ABCA2: variants seen among roughly 807,000 people sequenced by gnomAD.
ABCA2 encodes ATP binding cassette subfamily A member 2, also known as ATP-binding cassette sub-family A member 2.
A neutral mutation model predicts 262.8 loss-of-function variants in ABCA2; 84 were observed. That is an observed-to-expected ratio of 0.32 (90% CI 0.27 to 0.38). ABCA2 has a LOEUF of 0.38. Among genes scored for constraint, ABCA2 ranks in the 10% least tolerant of loss-of-function variants. The pLI, the probability that ABCA2 is intolerant of heterozygous loss-of-function variation, is 1.00. For synonymous variants in ABCA2, 1,696 were observed against 1,502.9 expected (o/e 1.13, Z -2.97); for missense variants, 2,662 against 3,405.9 (o/e 0.78, Z 5.44).
chr9:137,023,882 G>A (rs1831563831), intron 2 of ABCA2, 42 bp from the exon 3 acceptor site: 5 of 946,528 alleles, frequency 5.3e-6, no homozygotes, highest in East Asian at 2.4e-5. Flanking sequence ...GGGGAGGGAG[G>A]GGGATCAAAA....
In ABCA2 at chr9:137,013,274, G is replaced by A. The variant is rs1319691871; in HGVS notation, c.4595C>T (p.Thr1532Met). ...PDASPQQLVS[T>M]FRLPSGVGAT... ...ACCCACCCCCGACGGCAGCCGGAAC[G>A]TGCTCACGAGCTGCTGGGGGCTGGC... is the stretch of plus-strand genomic sequence containing the variant. Residue 1532 changes from threonine (T) to methionine (M), a missense_variant, in exon 30 of 49, where the codon ACG becomes ATG. Thr to Met is a moderately conservative substitution (Grantham distance 81). This residue lies in a region of ABCA2 where 192 missense variants were observed against 207.2 expected (regional missense o/e 0.93). Coordinates refer to ENST00000341511, the MANE Select transcript of ABCA2 (RefSeq NM_001606.5). 8 of 1,585,634 alleles carry A rather than the reference G, an allele frequency of 5.0e-6. No homozygotes were observed. The highest frequency in any genetic ancestry group is 6.8e-6 in the Non-Finnish European group (8 of 1,171,640).
chr9:137,014,875 C>T (rs1831199973), intron 25 of ABCA2, 38 bp downstream of exon 25: 2 of 1,577,242 alleles, frequency 1.3e-6, no homozygotes, highest in African/African-American at 1.3e-5. Context: ...CCCACCTCCA[C>T]CACCTGCAAC....
chr9:137,011,847 G>A lies in ABCA2; in HGVS notation c.5532C>T (p.Asp1844=), dbSNP rs770447714. The A allele has an allele frequency of 6.3e-7, 1 of 1,587,722 alleles. No homozygotes were observed. Among genetic ancestry groups the A allele is most frequent in the South Asian group, 1.1e-5 (1 of 87,906 alleles). ...CCCATGGCCACGCCGGGCGCACCATGTCCCACACGTAGTTCGCCAGCCAGT... is the reference window on the plus strand; with the variant it reads ...CCCATGGCCACGCCGGGCGCACCATATCCCACACGTAGTTCGCCAGCCAGT... ...IIYWLANYVW[D]MLNYLVPATC... is the part of the protein sequence containing the mutation. The change falls in exon 35 of 49, where the codon GAC becomes GAT. Residue 1844 remains aspartate (D), a synonymous_variant. Transcript: ENST00000341511. This position sits in a 1 kb window ranked among gnomAD's most constrained non-coding sequence, Gnocchi z 8.8.
intron 24 of ABCA2, 69 bp downstream of exon 24, chr9:137,015,345 G>T: frequency 1.3e-6 from 2 of 1,484,088 alleles, no homozygotes; most frequent in Non-Finnish European, 1.8e-6. Context: ...CCTCTCCATT[G>T]TGGATTCTCA....
chr9:137,007,715 G>A lies in ABCA2; in HGVS notation c.*214C>T, dbSNP rs1480771798. 7.5e-6 allele frequency: 5 copies of A among 664,720 alleles called. No individual in the cohort carries two copies. In the Admixed American group the frequency reaches 1.0e-4, roughly 13 times the overall value. The allele number at this position is 664,720 out of a possible 1,614,324, so 41.2% of individuals were successfully genotyped here. On this transcript the variant is annotated 3_prime_UTR_variant, in exon 49 of 49. Coordinates refer to ENST00000341511, the MANE Select transcript of ABCA2 (RefSeq NM_001606.5). ...GCAGGGCAAGGGTGTACGCAGCCCG[G>A]GCCGGGTCAGCCTTTGGCACAATTA...
In ABCA2 at chr9:137,015,607, G is replaced by A. The variant is rs1374738809; in HGVS notation, c.3515-11C>T. 3.1e-6 allele frequency: 5 copies of A among 1,611,992 alleles called. No homozygotes were observed. Among genetic ancestry groups the A allele is most frequent in the Middle Eastern group, 1.6e-4 (1 of 6,080 alleles). ...GAAGGATGGTGCGGCCTAGGACAAG[G>A]CCAGACCCAGGGTCAGGGGGCAGGG... On this transcript the variant is annotated splice_polypyrimidine_tract_variant and intron_variant, in intron 23 of 48. Coordinates refer to ENST00000341511, the MANE Select transcript of ABCA2 (RefSeq NM_001606.5).
intron 31 of ABCA2, 48 bp downstream of exon 31, chr9:137,012,664 T>C (rs1831103183): frequency 6.2e-7 from 1 of 1,610,054 alleles, no homozygotes; most frequent in African/African-American, 1.3e-5. Context: ...TGAGACTAGG[T>C]GGCTGGTGGC....
intron 30 of ABCA2, 33 bp from the exon 31 acceptor site, chr9:137,012,958 C>G (rs1831115396): frequency 1.4e-6 from 2 of 1,480,248 alleles, no homozygotes; most frequent in South Asian, 2.7e-5. Flanking sequence ...TGAGAAGGAC[C>G]CCTCACTGCC....
At chr9:137,012,218 G>A (rs1441451086) in intron 33 of ABCA2, 47 bp downstream of exon 33, 23 of 1,590,796 alleles carry the variant, frequency 1.4e-5, no homozygotes, top group Non-Finnish European at 2.0e-5. Context: ...CCCCGCCCCG[G>A]CCCCAGCTCC....
At position 137,014,153 on chromosome 9, in the gene ABCA2, C is replaced by T; in HGVS notation, c.4240+15G>A. 6.2e-7 allele frequency: 1 copy of T among 1,602,838 alleles called. No individual in the cohort carries two copies. On this transcript the variant is annotated intron_variant, in intron 27 of 48. Transcript: ENST00000341511. Reference sequence around the variant, plus strand: ...CCCCTCCCTTGCTGTCCCAGCCTCACCCTGCCACCCCCACCTTGCAGGCTG... The same window carrying T: ...CCCCTCCCTTGCTGTCCCAGCCTCATCCTGCCACCCCCACCTTGCAGGCTG...
chr9:137,008,935 G>T lies in ABCA2; in HGVS notation c.6930+16C>A. ...CCCGTAGCGCCCCCTCCACAACCCT[G>T]CCCGGGACGGCGCACCTTGAGCATG... On this transcript the variant is annotated intron_variant, in intron 46 of 48. Coordinates refer to ENST00000341511, the MANE Select transcript of ABCA2 (RefSeq NM_001606.5). The T allele has an allele frequency of 7.3e-7, 1 of 1,368,052 alleles. No homozygotes were observed. The highest frequency in any genetic ancestry group is 9.5e-7 in the Non-Finnish European group (1 of 1,051,848). 84.7% of individuals were successfully genotyped at this position (1,368,052 alleles called of 1,614,324 possible).
chr9:137,017,715 G>A, intron 16 of ABCA2, 23 bp from the exon 17 acceptor site: 1 of 1,608,468 alleles, frequency 6.2e-7, no homozygotes, highest in Non-Finnish European at 8.5e-7. Flanking sequence ...CAGGGGCTTG[G>A]GGCAGGCCCC....
intron 39 of ABCA2, 49 bp from the exon 40 acceptor site, chr9:137,010,786 C>A: frequency 6.4e-7 from 1 of 1,562,230 alleles, no homozygotes; most frequent in South Asian, 1.1e-5. Flanking sequence ...CCCCCACTGC[C>A]CCTCCCTGCC....
chr9:137,013,638 C>T (rs1032119716), intron 28 of ABCA2, 75 bp from the exon 29 acceptor site: 1 of 1,469,122 alleles, frequency 6.8e-7, no homozygotes, highest in Non-Finnish European at 9.3e-7. Flanking sequence ...GTCCCCTTCC[C>T]CCAACCCCAA....
Position 137,023,866 on chromosome 9 carries a change from C to A in ABCA2, c.161-26G>T, listed in dbSNP as rs1309181366. ...CTGCATGCCAGCCGAGGACAAGAGA[C>A]CATGCGGGGAGGGAGGGGGATCAAA... is the stretch of plus-strand genomic sequence containing the variant. On this transcript the variant is annotated intron_variant, in intron 2 of 48. Transcript: ENST00000341511. 4 of 876,498 alleles carry A rather than the reference C, an allele frequency of 4.6e-6. No individual in the cohort carries two copies. In the South Asian group the frequency reaches 5.5e-5, roughly 12 times the overall value. 54.3% of individuals were successfully genotyped at this position (876,498 alleles called of 1,614,324 possible).
Position 137,017,095 on chromosome 9 carries a change from C to T in ABCA2, c.2583G>A (p.Leu861=). 1 of 1,612,690 alleles carries T rather than the reference C, an allele frequency of 6.2e-7. No homozygotes were observed. The highest frequency in any genetic ancestry group is 1.1e-5 in the South Asian group (1 of 91,082). The change falls in exon 19 of 49, where the codon CTG becomes CTA. Residue 861 remains leucine (L), a synonymous_variant. Coordinates refer to ENST00000341511, the MANE Select transcript of ABCA2 (RefSeq NM_001606.5). The part of the protein sequence containing the change: ...ASLMSTTAFG[L]GSKYFALYEV... ...CATACAGCGCGAAGTACTTAGAGCC[C>T]AGACCAAAGGCCGTCGTGGACATGA...
intron 40 of ABCA2, 95 bp from the exon 41 acceptor site, chr9:137,010,466 A>AG: frequency 1.0e-6 from 1 of 955,568 alleles, no homozygotes; most frequent in Non-Finnish European, 1.3e-6. Context: ...TCCAGAGCCC[A>AG]GGGGGCCACG....
rs1182173069 is a variant in ABCA2, at chr9:137,021,884, C to A, written c.678+7G>T. 1.9e-6 allele frequency: 3 copies of A among 1,583,996 alleles called. No individual in the cohort carries two copies. The highest frequency in any genetic ancestry group is 2.6e-6 in the Non-Finnish European group (3 of 1,164,550). On this transcript the variant is annotated splice_region_variant and intron_variant, in intron 7 of 48. Coordinates refer to ENST00000341511, the MANE Select transcript of ABCA2 (RefSeq NM_001606.5). This position sits in a 1 kb window ranked among gnomAD's most constrained non-coding sequence, Gnocchi z 6.0. ...TCCAGGCCCATCCCACACATGGATG[C>A]CCTCACCTCCATCCGGAACAGGGGA...
rs757251784 is a variant in ABCA2 at position 137,021,436 on chromosome 9, C to G, written c.853G>C (p.Ala285Pro). The G allele has an allele frequency of 1.2e-6, 2 of 1,611,234 alleles. No individual in the cohort carries two copies. Among genetic ancestry groups the G allele is most frequent in the Admixed American group, 1.7e-5 (1 of 59,988 alleles). The change falls in exon 8 of 49, where the codon GCT (alanine) becomes CCT (proline). Residue 285 changes from alanine (A) to proline (P), a missense_variant. Physicochemically the swap from Ala to Pro is conservative, Grantham distance 27. Around this residue, in one of 12 missense-constraint regions of ABCA2, gnomAD observed 403 missense variants for 375.9 expected, o/e 1.07. Transcript: ENST00000341511. This position sits in a 1 kb window ranked among gnomAD's most constrained non-coding sequence, Gnocchi z 6.0. ...ARARRFSGLSAELRNQLDVAK... is the reference protein window; with the variant it reads ...ARARRFSGLSPELRNQLDVAK... ...ACGTCCAGCTGGTTCCGGAGCTCAG[C>G]AGACAGCCCAGAGAAGCGCCTGGCA...
Sources: gnomAD v4.1 joint callset for allele counts on GRCh38, gnomAD v4.1.1 for gene constraint, gnomAD v4.1.1 regional missense constraint, Gnocchi (gnomAD v3.1) non-coding constraint, MANE v1.5 for transcripts, NCBI Gene and HGNC (gene_info 2026-07-23, HGNC 2026-07-21) for gene names.